CSMD1: variants seen among roughly 807,000 people sequenced by gnomAD.
CSMD1 encodes CUB and sushi domain-containing protein 1.
In CSMD1, 213 loss-of-function variants were observed where a neutral mutation model predicts 417.5. The ratio of observed to expected loss-of-function variants is 0.51; its 90% confidence interval spans 0.46 to 0.57. CSMD1 has a LOEUF of 0.57. Ranked by LOEUF, CSMD1 falls within the 20% of genes least tolerant of loss-of-function variation. The pLI, the probability that CSMD1 is intolerant of heterozygous loss-of-function variation, is 0.00. For missense variants in CSMD1, 6,923 were observed against 4,529.7 expected (o/e 1.53, Z -15.17); for synonymous variants, 2,862 against 1,736.8 (o/e 1.65, Z -16.11).
At chr8:3,104,509 C>G (rs1815986701) in intron 46 of CSMD1, among the ~76,000 whole-genome samples, 1 of 151,836 alleles carries the variant, frequency 6.6e-6, no homozygotes, top group Non-Finnish European at 1.5e-5. Flanking sequence ...CAATAGTTCT[C>G]ATGTAGATAC....
intron 1 of CSMD1, among the ~76,000 whole-genome samples, chr8:4,933,123 G>T (rs190211504): frequency 2.6e-5 from 4 of 152,114 alleles, no homozygotes; most frequent in Non-Finnish European, 5.9e-5. Flanking sequence ...GTATGGATAT[G>T]TTCTCTATCT....
chr8:2,951,636 C>T (rs1802642777), intron 65 of CSMD1, among the ~76,000 whole-genome samples: 1 of 152,118 alleles, frequency 6.6e-6, no homozygotes, highest in South Asian at 2.1e-4. Flanking sequence ...TTACCTGACC[C>T]ATGAAATCAC....
chr8:4,558,946 C>A (rs1798211810), intron 2 of CSMD1, among the ~76,000 whole-genome samples: 1 of 151,530 alleles, frequency 6.6e-6, no homozygotes, highest in South Asian at 2.1e-4. Context: ...TTTTTCTGAC[C>A]TCCTGTATTT....
chr8:2,995,865 G>A (rs558029367), intron 54 of CSMD1, among the ~76,000 whole-genome samples: 2 of 152,198 alleles, frequency 1.3e-5, no homozygotes, highest in Non-Finnish European at 2.9e-5. Context: ...TCAGAGAAGT[G>A]GAGACCAGGT....
At chr8:4,294,530 T>C (rs753843024) in intron 3 of CSMD1, among the ~76,000 whole-genome samples, 1 of 152,172 alleles carries the variant, frequency 6.6e-6, no homozygotes, top group Non-Finnish European at 1.5e-5. Flanking sequence ...ACTTTGCAGA[T>C]GAGCAAACAC....
intron 7 of CSMD1, among the ~76,000 whole-genome samples, chr8:3,641,735 C>A (rs1017966238): frequency 6.6e-6 from 1 of 152,160 alleles, no homozygotes; most frequent in Non-Finnish European, 1.5e-5. Flanking sequence ...ATGTTTGGGA[C>A]CAGGATTCTC....
chr8:3,864,845 C>T (rs1414041634), intron 5 of CSMD1, among the ~76,000 whole-genome samples: 1 of 152,134 alleles, frequency 6.6e-6, no homozygotes, highest in Non-Finnish European at 1.5e-5. Flanking sequence ...TAGACATTTT[C>T]CTAGTTTTGG....
intron 1 of CSMD1, among the ~76,000 whole-genome samples, chr8:4,829,193 T>C (rs971493163): frequency 3.9e-5 from 6 of 152,328 alleles, no homozygotes; most frequent in African/African-American, 1.4e-4. Flanking sequence ...CCTTTCAATC[T>C]TCTAATAAAG....
chr8:3,479,469 G>A (rs903486981), intron 11 of CSMD1, among the ~76,000 whole-genome samples: 4 of 151,996 alleles, frequency 2.6e-5, no homozygotes, highest in African/African-American at 9.7e-5. Flanking sequence ...TAGTACATAT[G>A]GGGTTTCTCC....
intron 5 of CSMD1, among the ~76,000 whole-genome samples, chr8:3,815,307 T>G (rs1255685228): frequency 4.6e-5 from 7 of 152,154 alleles, no homozygotes. Context: ...TGGTGTTGAG[T>G]ATTAGTTCAC....
chr8:4,363,877 G>C (rs144513103), intron 3 of CSMD1, among the ~76,000 whole-genome samples: 1 of 152,186 alleles, frequency 6.6e-6, no homozygotes, highest in South Asian at 2.1e-4. Context: ...GACATAGAGA[G>C]TAAAGGACGG....
chr8:2,983,666 C>A (rs938887744), intron 54 of CSMD1, among the ~76,000 whole-genome samples: 45 of 152,106 alleles, frequency 3.0e-4, no homozygotes, highest in African/African-American at 1.1e-3. Context: ...AAGTAAAGCA[C>A]TTCCCAGTCT....
At chr8:3,888,572 G>C (rs902529644) in intron 5 of CSMD1, among the ~76,000 whole-genome samples, 2 of 152,160 alleles carry the variant, frequency 1.3e-5, no homozygotes, top group Non-Finnish European at 2.9e-5. Context: ...GCTGGAGAAA[G>C]CTGAGCTAAT....
At chr8:3,966,147 C>G (rs1361497418) in intron 5 of CSMD1, among the ~76,000 whole-genome samples, 5 of 152,142 alleles carry the variant, frequency 3.3e-5, no homozygotes, top group Non-Finnish European at 7.4e-5. Flanking sequence ...CTTATAATAT[C>G]TCAGTTAATA....
chr8:4,461,265 C>T (rs1403188459), intron 2 of CSMD1, among the ~76,000 whole-genome samples: 1 of 152,012 alleles, frequency 6.6e-6, no homozygotes, highest in Non-Finnish European at 1.5e-5. Flanking sequence ...GAAAAGCCTA[C>T]AGTTAACATT....
At chr8:4,343,441 A>T (rs1455830238) in intron 3 of CSMD1, among the ~76,000 whole-genome samples, 6 of 152,120 alleles carry the variant, frequency 3.9e-5, no homozygotes, top group African/African-American at 1.4e-4. Context: ...AATGGTCACT[A>T]TGTGTGGTGA....
chr8:3,990,568 G>C (rs899984502), intron 5 of CSMD1, among the ~76,000 whole-genome samples: 7 of 152,152 alleles, frequency 4.6e-5, no homozygotes, highest in Admixed American at 2.6e-4. Context: ...AATTAGAAAA[G>C]TGTCCCAAAT....
At chr8:4,847,991 C>T (rs879605273) in intron 1 of CSMD1, among the ~76,000 whole-genome samples, 1 of 152,158 alleles carries the variant, frequency 6.6e-6, no homozygotes, top group Non-Finnish European at 1.5e-5. Context: ...CCCTCTCCTT[C>T]CAGGGCCCGA....
intron 12 of CSMD1, among the ~76,000 whole-genome samples, 182 bp from the exon 13 acceptor site, chr8:3,409,787 C>T (rs1230012826): frequency 1.3e-5 from 2 of 152,150 alleles, no homozygotes; most frequent in African/African-American, 4.8e-5. Flanking sequence ...AAAAGAATGT[C>T]ATTTCAAATG....
Sources: allele counts gnomAD v4.1 joint callset (sites outside exome capture counted in the v4.1 genomes callset), GRCh38; gene constraint gnomAD v4.1.1; transcripts MANE v1.5; gene names NCBI Gene and HGNC (gene_info 2026-07-23, HGNC 2026-07-21).